Variants in MACROD2 observed in about 807,000 individuals in gnomAD.
The protein encoded by MACROD2 is ADP-ribose glycohydrolase MACROD2.
A neutral mutation model predicts 70.4 loss-of-function variants in MACROD2; 36 were observed. That is an observed-to-expected ratio of 0.51 (90% CI 0.39 to 0.68). MACROD2 has a LOEUF of 0.68. Among genes scored for constraint, MACROD2 ranks in the 30% least tolerant of loss-of-function variants. MACROD2 has a pLI of 0.00. For synonymous variants in MACROD2, 172 were observed against 178.8 expected (o/e 0.96, Z 0.30); for missense variants, 496 against 538.4 (o/e 0.92, Z 0.78).
At position 15,401,666 on chromosome 20, in the gene MACROD2, A is replaced by G. The variant is rs191840556; in HGVS notation, c.541-29739A>G. 3.1e-4 allele frequency among the ~76,000 whole-genome samples: 47 copies of G among 152,326 alleles called. 1 individual carries two copies. The highest frequency in any genetic ancestry group is 1.5e-3 in the East Asian group (8 of 5,178). Reference sequence around the variant, plus strand: ...GGATTAAATTATTAAACAATTGTAAAATACTTAGAATAGCAATAGGGTTAT... The same window carrying G: ...GGATTAAATTATTAAACAATTGTAAGATACTTAGAATAGCAATAGGGTTAT... On this transcript the variant is annotated intron_variant, in intron 6 of 17. Coordinates refer to ENST00000684519, the MANE Select transcript of MACROD2 (RefSeq NM_001351661.2).
At chr20:15,568,344 TAGTC>T (rs759593786) in intron 8 of MACROD2, among the ~76,000 whole-genome samples, 2 of 152,220 alleles carry the variant, frequency 1.3e-5, no homozygotes, top group Non-Finnish European at 1.5e-5. Context: ...GTTGATGCAT[TAGTC>T]AGTGTAGGCT....
chr20:14,731,806 T>C (rs2071601401), intron 5 of MACROD2, among the ~76,000 whole-genome samples: 1 of 152,142 alleles, frequency 6.6e-6, no homozygotes, highest in Non-Finnish European at 1.5e-5. Flanking sequence ...CCTTAACATA[T>C]TGAATGCAGA....
intron 5 of MACROD2, among the ~76,000 whole-genome samples, chr20:14,832,970 G>GA (rs1170070512): frequency 2.0e-5 from 3 of 152,142 alleles, no homozygotes; most frequent in Non-Finnish European, 4.4e-5. Context: ...GCCTATCTAA[G>GA]TAGCACTGTT....
chr20:14,525,290 A>G lies in MACROD2; in HGVS notation c.301+31782A>G, dbSNP rs372200101. On this transcript the variant is annotated intron_variant, in intron 4 of 17. Transcript: ENST00000684519. ...AGATTGTCTATTTATAATTAGGTCT[A>G]TCTCCCTTTTTTGCTAGTTCTCATT... 1.1e-4 allele frequency among the ~76,000 whole-genome samples: 17 copies of G among 152,342 alleles called. 1 individual carries two copies. The South Asian group carries it at 2.7e-3, about 24-fold the overall frequency.
chr20:15,799,517 T>C (rs36034970), intron 8 of MACROD2, among the ~76,000 whole-genome samples: 37,992 of 152,040 alleles, frequency 0.25, 5,087 homozygotes, highest in African/African-American at 0.35. Flanking sequence ...TTTTTTAGCT[T>C]CCACATATGA....
chr20:15,460,687 T>C (rs1225531379), intron 7 of MACROD2, among the ~76,000 whole-genome samples: 1 of 152,150 alleles, frequency 6.6e-6, no homozygotes, highest in Non-Finnish European at 1.5e-5. Context: ...CAATTCCTTC[T>C]ATTACATTTT....
chr20:15,012,780 G>A, intron 5 of MACROD2, among the ~76,000 whole-genome samples: 1 of 152,250 alleles, frequency 6.6e-6, no homozygotes, highest in Middle Eastern at 3.4e-3. Context: ...GCCAGTCATT[G>A]TTCCACCCCA....
intron 13 of MACROD2, among the ~76,000 whole-genome samples, chr20:15,971,629 A>G (rs2147421294): frequency 6.6e-6 from 1 of 152,288 alleles, no homozygotes; most frequent in South Asian, 2.1e-4. Flanking sequence ...TTCCTCCTCT[A>G]TGATATCACC....
chr20:15,006,141 ATGTGTGTGTG>A (rs11473589), intron 5 of MACROD2, among the ~76,000 whole-genome samples: 43 of 134,362 alleles, frequency 3.2e-4, no homozygotes, highest in African/African-American at 7.4e-4. Flanking sequence ...ATATATATAT[ATGTGTGTGTG>A]TGTGTGTGTG....
At chr20:14,217,955 A>C (rs2081637819) in intron 3 of MACROD2, among the ~76,000 whole-genome samples, 1 of 152,220 alleles carries the variant, frequency 6.6e-6, no homozygotes. Flanking sequence ...TCTTGGAGAA[A>C]GTTCCACGCG....
intron 4 of MACROD2, among the ~76,000 whole-genome samples, chr20:14,644,881 T>C (rs546969872): frequency 6.6e-6 from 1 of 152,128 alleles, no homozygotes; most frequent in Non-Finnish European, 1.5e-5. Context: ...ACAAACAAAA[T>C]TGGGACAGGT....
intron 8 of MACROD2, among the ~76,000 whole-genome samples, chr20:15,808,811 A>T (rs1430735003): frequency 1.3e-5 from 2 of 152,236 alleles, no homozygotes; most frequent in African/African-American, 4.8e-5. Context: ...ATATTCCAAT[A>T]TCCCTACCCT....
At chr20:15,178,750 A>G (rs543949627) in intron 5 of MACROD2, among the ~76,000 whole-genome samples, 1 of 152,332 alleles carries the variant, frequency 6.6e-6, no homozygotes, top group African/African-American at 2.4e-5. Context: ...AAAATGTTAC[A>G]AATGACCACT....
intron 6 of MACROD2, among the ~76,000 whole-genome samples, chr20:15,233,098 T>A (rs2076973315): frequency 6.6e-6 from 1 of 151,982 alleles, no homozygotes; most frequent in Admixed American, 6.6e-5. Flanking sequence ...GATTTGAGAA[T>A]ACTCTGTAGT....
At chr20:15,594,237 T>G (rs1431641673) in intron 8 of MACROD2, among the ~76,000 whole-genome samples, 1 of 152,232 alleles carries the variant, frequency 6.6e-6, no homozygotes, top group Non-Finnish European at 1.5e-5. Flanking sequence ...CTTTCCTTTT[T>G]TCTTTTTTCC....
chr20:14,536,637 G>GTGTC (rs1158335854), intron 4 of MACROD2, among the ~76,000 whole-genome samples: 1 of 91,258 alleles, frequency 1.1e-5, no homozygotes, highest in Non-Finnish European at 2.3e-5. Context: ...GTGTGTGTGT[G>GTGTC]TGTGTGTGTG....
chr20:15,320,900 C>T (rs1224641486), intron 6 of MACROD2, among the ~76,000 whole-genome samples: 1 of 152,158 alleles, frequency 6.6e-6, no homozygotes, highest in African/African-American at 2.4e-5. Context: ...TGCCTAGCCA[C>T]AGCAGAGGCT....
chr20:14,140,580 A>G (rs1481016025), intron 3 of MACROD2, among the ~76,000 whole-genome samples: 3 of 152,190 alleles, frequency 2.0e-5, no homozygotes, highest in East Asian at 3.8e-4. Context: ...ACATATACCC[A>G]TATCTTTTTA....
chr20:15,563,534 A>G (rs1042371505), intron 8 of MACROD2, among the ~76,000 whole-genome samples: 10 of 152,242 alleles, frequency 6.6e-5, no homozygotes, highest in Non-Finnish European at 1.3e-4. Context: ...AAACCATCTT[A>G]AAAGAAAGAC....
Sources: allele counts gnomAD v4.1 joint callset (sites outside exome capture counted in the v4.1 genomes callset), GRCh38; gene constraint gnomAD v4.1.1; transcripts MANE v1.5; gene names NCBI Gene and HGNC (gene_info 2026-07-23, HGNC 2026-07-21).